ANKS4B: variants seen among roughly 807,000 people sequenced by gnomAD.
ANKS4B encodes the protein ankyrin repeat and sterile alpha motif domain containing 4B.
A neutral mutation model predicts 20.2 loss-of-function variants in ANKS4B; 21 were observed. The ratio of observed to expected loss-of-function variants is 1.04; its 90% confidence interval spans 0.74 to 1.50. The LOEUF is 1.50. Ranked by LOEUF, ANKS4B falls within the 40% of genes most tolerant of loss-of-function variation. ANKS4B has a pLI of 0.00. For missense variants in ANKS4B, 473 were observed against 494.6 expected (o/e 0.96, Z 0.41); for synonymous variants, 179 against 194.5 (o/e 0.92, Z 0.66).
In ANKS4B at chr16:21,252,988, C is replaced by A. The variant is rs1023145592; in HGVS notation, c.*2168C>A. ...GCAGTGAGTTGAGATTGCACCACTGCACTCTAGCCCAGGCGGTAAGAGAGA... is the reference window on the plus strand; with the variant it reads ...GCAGTGAGTTGAGATTGCACCACTGAACTCTAGCCCAGGCGGTAAGAGAGA... On this transcript the variant is annotated 3_prime_UTR_variant, in exon 2 of 2. Coordinates refer to ENST00000311620, the MANE Select transcript of ANKS4B (RefSeq NM_145865.3). 1 of 142,220 alleles carries A rather than the reference C, an allele frequency of 7.0e-6. No individual in the cohort carries two copies. The highest frequency in any genetic ancestry group is 2.6e-5 in the African/African-American group (1 of 38,210). The allele number at this position is 142,220 out of a possible 1,614,324, so 8.8% of individuals were successfully genotyped here.
chr16:21,250,097 G>A lies in ANKS4B; in HGVS notation c.531G>A (p.Lys177=). ...AATCCGGGACTCTCTCTTCTTCCAA[G>A]GGTACCTTCTCCAGATCATCCCCTT... ...KEESGTLSSS[K]GTFSRSSPSN... The change falls in exon 2 of 2, where the codon AAG becomes AAA. Residue 177 remains lysine, a synonymous_variant. Transcript: ENST00000311620. 1 of 1,614,212 alleles carries A rather than the reference G, an allele frequency of 6.2e-7. No homozygotes were observed. Among genetic ancestry groups the A allele is most frequent in the Non-Finnish European group, 8.5e-7 (1 of 1,180,040 alleles).
chr16:21,239,556 G>C (rs1297729905), intron 1 of ANKS4B, among the ~76,000 whole-genome samples: 1 of 152,118 alleles, frequency 6.6e-6, no homozygotes, highest in African/African-American at 2.4e-5. Context: ...ACTCCAGCCT[G>C]GGGAACAGCA....
At chr16:21,241,024 C>T (rs1188449110) in intron 1 of ANKS4B, among the ~76,000 whole-genome samples, 1 of 152,304 alleles carries the variant, frequency 6.6e-6, no homozygotes, top group South Asian at 2.1e-4. Flanking sequence ...GAACTCCTGA[C>T]TTCAGGCGAT....
At chr16:21,240,803 T>G (rs1202464602) in intron 1 of ANKS4B, among the ~76,000 whole-genome samples, 2 of 152,088 alleles carry the variant, frequency 1.3e-5, no homozygotes, top group African/African-American at 2.4e-5. Flanking sequence ...TTTTTTTTTT[T>G]TGTGAGAGAC....
chr16:21,247,981 C>G (rs910591204), intron 1 of ANKS4B, among the ~76,000 whole-genome samples: 1 of 152,138 alleles, frequency 6.6e-6, no homozygotes, highest in Non-Finnish European at 1.5e-5. Flanking sequence ...ATGTTTGTAA[C>G]AGACACTGTT....
chr16:21,240,443 C>T (rs1284638222), intron 1 of ANKS4B, among the ~76,000 whole-genome samples: 1 of 152,100 alleles, frequency 6.6e-6, no homozygotes, highest in Non-Finnish European at 1.5e-5. Context: ...TGCCTGCCAC[C>T]ACACCCCGCT....
At chr16:21,236,359 G>C (rs2093320228) in intron 1 of ANKS4B, among the ~76,000 whole-genome samples, 1 of 152,120 alleles carries the variant, frequency 6.6e-6, no homozygotes, top group Admixed American at 6.6e-5. Flanking sequence ...AATTTGATTT[G>C]AGGTTTGTTC....
chr16:21,242,211 G>A lies in ANKS4B; in HGVS notation c.165-7520G>A, dbSNP rs367718845. Reference sequence around the variant, plus strand: ...CTTCTAGGAGACTTTTCTTTTAGACGGAGTCTCACTCTGTCACCAGGCTGG... The same window carrying A: ...CTTCTAGGAGACTTTTCTTTTAGACAGAGTCTCACTCTGTCACCAGGCTGG... On this transcript the variant is annotated intron_variant, in intron 1 of 1. Coordinates refer to ENST00000311620, the MANE Select transcript of ANKS4B (RefSeq NM_145865.3). 1.8e-4 allele frequency among the ~76,000 whole-genome samples: 27 copies of A among 152,052 alleles called. No individual in the cohort carries two copies. The East Asian group carries it at 3.9e-3, about 22-fold the overall frequency.
intron 1 of ANKS4B, among the ~76,000 whole-genome samples, chr16:21,240,387 C>T (rs1285002118): frequency 1.3e-5 from 2 of 151,778 alleles, no homozygotes; most frequent in African/African-American, 2.4e-5. Context: ...CACCTAGGTT[C>T]GAGTGATTCT....
chr16:21,236,652 C>T (rs899407803), intron 1 of ANKS4B, among the ~76,000 whole-genome samples: 4 of 151,956 alleles, frequency 2.6e-5, no homozygotes, highest in African/African-American at 4.8e-5. Context: ...CTCAAATAAT[C>T]CTCCTGCCTC....
intron 1 of ANKS4B, among the ~76,000 whole-genome samples, chr16:21,234,557 G>A (rs1187336839): frequency 6.6e-6 from 1 of 151,314 alleles, no homozygotes; most frequent in African/African-American, 2.4e-5. Flanking sequence ...GGAGGAGTAA[G>A]CTAGTTCCTC....
At chr16:21,244,613 T>C (rs2093330228) in intron 1 of ANKS4B, among the ~76,000 whole-genome samples, 1 of 152,220 alleles carries the variant, frequency 6.6e-6, no homozygotes, top group African/African-American at 2.4e-5. Flanking sequence ...TCTCTTTCTG[T>C]TGATAGTAAC....
rs1450630133 is a variant in ANKS4B, at chr16:21,253,225, T to G, written c.*2405T>G. 1.3e-5 allele frequency: 2 copies of G among 152,172 alleles called. No individual in the cohort carries two copies. The highest frequency in any genetic ancestry group is 2.9e-5 in the Non-Finnish European group (2 of 68,030). The allele number at this position is 152,172 out of a possible 1,614,324, so 9.4% of individuals were successfully genotyped here. ...AGCTGTTTATCTTCAGCTTGCTTTCTGATGCACATCTGTTTGGGTTACTTC... is the reference window on the plus strand; with the variant it reads ...AGCTGTTTATCTTCAGCTTGCTTTCGGATGCACATCTGTTTGGGTTACTTC... On this transcript the variant is annotated 3_prime_UTR_variant, in exon 2 of 2. Coordinates refer to ENST00000311620, the MANE Select transcript of ANKS4B (RefSeq NM_145865.3).
chr16:21,233,860 C>T lies in ANKS4B; in HGVS notation c.123C>T (p.Tyr41=), dbSNP rs2093316775. 6.2e-7 allele frequency: 1 copy of T among 1,613,592 alleles called. No individual in the cohort carries two copies. Among genetic ancestry groups the T allele is most frequent in the Non-Finnish European group, 8.5e-7 (1 of 1,179,776 alleles). The part of the protein sequence containing the change: ...DGMTPTLLAA[Y]HGNLEALEII... ...TGACTCCTACTCTCTTGGCAGCCTA[C>T]CATGGGAACTTGGAAGCCCTAGAGA... The change falls in exon 1 of 2, where the codon TAC becomes TAT. Residue 41 remains tyrosine, a synonymous_variant. Transcript: ENST00000311620.
Position 21,250,769 on chromosome 16 carries a change from G to T in ANKS4B, c.1203G>T (p.Arg401Ser), listed in dbSNP as rs762027464. ...AGAAAGTTCTGAATGCTATCAACAG[G>T]AGGAAGCAGGTGCTTCAACAGCCTG... Reference protein sequence around the residue: ...PRKKVLNAINRRKQVLQQPGQ... With the variant: ...PRKKVLNAINSRKQVLQQPGQ... Residue 401 changes from arginine to serine, a missense_variant, in exon 2 of 2, where the codon AGG becomes AGT. Coordinates refer to ENST00000311620, the MANE Select transcript of ANKS4B (RefSeq NM_145865.3). 2 of 1,604,234 alleles carry T rather than the reference G, an allele frequency of 1.2e-6. No homozygotes were observed. Among genetic ancestry groups the T allele is most frequent in the South Asian group, 2.2e-5 (2 of 90,886 alleles).
rs574189256 is a variant in ANKS4B, at chr16:21,242,273, G to A, written c.165-7458G>A. Among the ~76,000 whole-genome samples the A allele has an allele frequency of 1.2e-4, 18 of 152,194 alleles. No homozygotes were observed. The East Asian group carries it at 2.5e-3, about 21-fold the overall frequency. On this transcript the variant is annotated intron_variant, in intron 1 of 1. Transcript: ENST00000311620. ...ACGATCTTGGCTCACTGCAACCTCC[G>A]CCTCCCGGATTCAAGCAATTCTCCT...
rs181101078 is a variant in ANKS4B at position 21,253,231 on chromosome 16, A to C, written c.*2411A>C. On this transcript the variant is annotated 3_prime_UTR_variant, in exon 2 of 2. Coordinates refer to ENST00000311620, the MANE Select transcript of ANKS4B (RefSeq NM_145865.3). ...TTATCTTCAGCTTGCTTTCTGATGC[A>C]CATCTGTTTGGGTTACTTCAAGAGG... The C allele has an allele frequency of 6.6e-6, 1 of 152,258 alleles. No homozygotes were observed. Among genetic ancestry groups the C allele is most frequent in the Non-Finnish European group, 1.5e-5 (1 of 68,018 alleles). The allele number at this position is 152,258 out of a possible 1,614,324, so 9.4% of individuals were successfully genotyped here.
At chr16:21,249,387 A>C (rs1313468947) in intron 1 of ANKS4B, among the ~76,000 whole-genome samples, 1 of 152,188 alleles carries the variant, frequency 6.6e-6, no homozygotes, top group African/African-American at 2.4e-5. Context: ...GAGCAGGGAG[A>C]ATCACCTGAG....
Position 21,244,814 on chromosome 16 carries a change from C to A in ANKS4B, c.165-4917C>A, listed in dbSNP as rs565860977. 3.3e-5 allele frequency among the ~76,000 whole-genome samples: 5 copies of A among 152,282 alleles called. No homozygotes were observed. In the South Asian group the frequency reaches 6.2e-4, roughly 19 times the overall value. On this transcript the variant is annotated intron_variant, in intron 1 of 1. Coordinates refer to ENST00000311620, the MANE Select transcript of ANKS4B (RefSeq NM_145865.3). ...CAAACAATTAAGTCAGGCTGACTGA[C>A]CAGAGCCTTCTGGAAAGTGGCTTCC...
Sources: gnomAD v4.1 joint callset for allele counts (sites outside exome capture counted in the v4.1 genomes callset) on GRCh38, gnomAD v4.1.1 for gene constraint, MANE v1.5 for transcripts, NCBI Gene and HGNC (gene_info 2026-07-23, HGNC 2026-07-21) for gene names.